The following KCNG2 variants were observed in gnomAD, a reference collection of about 807,000 sequenced individuals.
KCNG2 encodes the protein potassium voltage-gated channel modifier subfamily G member 2.
Under a neutral mutation model 12.3 loss-of-function variants are expected in KCNG2, and 7 were observed. The observed-to-expected ratio is 0.57, with a 90% CI of 0.32 to 1.07. KCNG2 has a LOEUF of 1.07. Among genes scored for constraint, KCNG2 ranks in the 50% least tolerant of loss-of-function variants. The pLI is 0.04. For missense variants in KCNG2, 703 were observed against 726.0 expected, an observed-to-expected ratio of 0.97 and a Z score of 0.36; for synonymous variants, 414 against 351.4, an observed-to-expected ratio of 1.18 and a Z score of -1.99.
chr18:79,827,643 G>A (rs1043605104), intron 1 of KCNG2, among the ~76,000 whole-genome samples: 5 of 152,096 alleles, frequency 3.3e-5, no homozygotes, highest in Admixed American at 6.5e-5. Context: ...GAGAAGAGCG[G>A]GGACTCAGCC....
intron 3 of KCNG2, among the ~76,000 whole-genome samples, chr18:79,896,891 T>C (rs1980995497): frequency 1.3e-5 from 2 of 152,244 alleles, no homozygotes; most frequent in South Asian, 4.1e-4. Flanking sequence ...CTTTGAGCAC[T>C]TTGGATGTGC....
rs927289731 is a variant in KCNG2 at position 79,832,659 on chromosome 18, C to T, written c.-114-23720C>T. Among the ~76,000 whole-genome samples, 9 of 152,258 alleles carry T rather than the reference C, an allele frequency of 5.9e-5. No homozygotes were observed. The East Asian group carries it at 1.2e-3, about 20-fold the overall frequency. On this transcript the variant is annotated intron_variant, in intron 1 of 3. Transcript: ENST00000316249. ...TGGGAGAGCCGTGCAGATCATTCGCCCTGATTTCCAGAGGAGACCTGGGAC... is the reference window on the plus strand; with the variant it reads ...TGGGAGAGCCGTGCAGATCATTCGCTCTGATTTCCAGAGGAGACCTGGGAC...
At position 79,884,295 on chromosome 18, in the gene KCNG2, T is replaced by C. The variant is rs912629810; in HGVS notation, c.625-14745T>C. On this transcript the variant is annotated intron_variant, in intron 3 of 3. Coordinates refer to ENST00000316249, the MANE Select transcript of KCNG2 (RefSeq NM_012283.2). This position sits in a 1 kb window ranked among gnomAD's most constrained non-coding sequence, Gnocchi z 5.5. ...CCCCACACCTGCACCCCCAAGAGAA[T>C]TCGCCCCATCTAGGTCCCACCTAAT... Among the ~76,000 whole-genome samples, 2 of 145,554 alleles carry C rather than the reference T, an allele frequency of 1.4e-5. No individual in the cohort carries two copies. Among genetic ancestry groups the C allele is most frequent in the Non-Finnish European group, 1.5e-5 (1 of 66,682 alleles).
chr18:79,854,749 G>A (rs988128072), intron 1 of KCNG2, among the ~76,000 whole-genome samples: 8 of 152,128 alleles, frequency 5.3e-5, no homozygotes, highest in African/African-American at 1.9e-4. Context: ...TCCTGACCAC[G>A]TGATCCGCCC....
intron 3 of KCNG2, among the ~76,000 whole-genome samples, chr18:79,896,068 C>A (rs1341673321): frequency 1.3e-5 from 2 of 152,168 alleles, no homozygotes; most frequent in South Asian, 2.1e-4. Flanking sequence ...TGGGTTCAAG[C>A]AATTCTCCTG....
chr18:79,875,260 G>T (rs1980021155), intron 3 of KCNG2, among the ~76,000 whole-genome samples: 1 of 152,154 alleles, frequency 6.6e-6, no homozygotes, highest in South Asian at 2.1e-4. Flanking sequence ...CCCATCATGG[G>T]AAGAAAGAGC....
intron 3 of KCNG2, among the ~76,000 whole-genome samples, chr18:79,864,876 G>A (rs1979400557): frequency 6.6e-6 from 1 of 151,664 alleles, no homozygotes; most frequent in African/African-American, 2.4e-5. Context: ...TGGGTGCTGA[G>A]GTCTGTGTGC....
intron 3 of KCNG2, among the ~76,000 whole-genome samples, chr18:79,893,610 G>A (rs1980829400): frequency 1.3e-5 from 2 of 151,616 alleles, no homozygotes; most frequent in South Asian, 4.2e-4. Context: ...TGATATAGCT[G>A]GATATGTGTC....
intron 2 of KCNG2, among the ~76,000 whole-genome samples, chr18:79,861,067 T>G (rs1979198689): frequency 6.6e-6 from 1 of 152,216 alleles, no homozygotes; most frequent in South Asian, 2.1e-4. Flanking sequence ...CTGCCTCTAT[T>G]GAAATTATCG....
In KCNG2 at chr18:79,863,838, C is replaced by T. The variant is rs944953611; in HGVS notation, c.171C>T (p.Arg57=). 6 of 1,447,732 alleles carry T rather than the reference C, an allele frequency of 4.1e-6. No homozygotes were observed. The highest frequency in any genetic ancestry group is 4.6e-6 in the Non-Finnish European group (5 of 1,096,274). The allele number at this position is 1,447,732 out of a possible 1,614,324, so 89.7% of individuals were successfully genotyped here. ...RACRGHDDLL[R]VCDDYDVSRD... ...GCCGCGGCCACGACGACCTGCTGCG[C>T]GTGTGTGACGACTACGACGTGAGCC... The change falls in exon 3 of 4, where the codon CGC becomes CGT. Residue 57 remains arginine, a synonymous_variant. Transcript: ENST00000316249.
chr18:79,831,623 G>A (rs1440243277), intron 1 of KCNG2, among the ~76,000 whole-genome samples: 3 of 104,610 alleles, frequency 2.9e-5, no homozygotes, highest in African/African-American at 1.1e-4. Context: ...CGTGCCCTGC[G>A]TACAGAGCCT....
chr18:79,821,064 A>G (rs573896515), intron 1 of KCNG2, among the ~76,000 whole-genome samples: 1 of 152,260 alleles, frequency 6.6e-6, no homozygotes, highest in Non-Finnish European at 1.5e-5. Flanking sequence ...ATTTTCCCCC[A>G]GTCTGTGGGC....
intron 1 of KCNG2, among the ~76,000 whole-genome samples, chr18:79,798,292 G>C (rs2087379603): frequency 6.6e-6 from 1 of 151,968 alleles, no homozygotes; most frequent in African/African-American, 2.4e-5. Context: ...GGGGGGCGTC[G>C]GGCCGGAGGC....
At chr18:79,807,825 T>C (rs1238656517) in intron 1 of KCNG2, among the ~76,000 whole-genome samples, 463 of 93,890 alleles carry the variant, frequency 4.9e-3, no homozygotes, top group Middle Eastern at 9.3e-3. Context: ...GAGTCCGCGC[T>C]CTGAGGAGCT....
rs74456183 is a variant in KCNG2, at chr18:79,880,757, A to G, written c.624+16466A>G. On this transcript the variant is annotated intron_variant, in intron 3 of 3. Coordinates refer to ENST00000316249, the MANE Select transcript of KCNG2 (RefSeq NM_012283.2). ...TAAAAAGCACAGCACATCACGGCCA[A>G]CTGAGGTTTTTCTCAGGAAAGCAAG... is the stretch of plus-strand genomic sequence containing the variant. Among the ~76,000 whole-genome samples, 621 of 152,350 alleles carry G rather than the reference A, an allele frequency of 4.1e-3. 37 individuals carry two copies. The East Asian group carries it at 0.099, about 24-fold the overall frequency.
chr18:79,823,924 T>C (rs1488301360), intron 1 of KCNG2, among the ~76,000 whole-genome samples: 1 of 152,250 alleles, frequency 6.6e-6, no homozygotes, highest in Non-Finnish European at 1.5e-5. Context: ...AAATTTGTTC[T>C]TGTAAAAACA....
chr18:79,893,311 C>A (rs1980815519), intron 3 of KCNG2, among the ~76,000 whole-genome samples: 1 of 151,868 alleles, frequency 6.6e-6, no homozygotes, highest in Non-Finnish European at 1.5e-5. Context: ...TCTGTGTCTG[C>A]TTTTGACTGG....
chr18:79,882,776 C>CGCCTGCGCGTGG (rs1568269714), intron 3 of KCNG2, among the ~76,000 whole-genome samples: 1,961 of 145,840 alleles, frequency 0.013, 216 homozygotes, highest in Non-Finnish European at 0.019. Context: ...AGGCCGGGTA[C>CGCCTGCGCGTGG]ACCTGCGCGT....
At chr18:79,869,076 C>T (rs764306087) in intron 3 of KCNG2, among the ~76,000 whole-genome samples, 9 of 152,098 alleles carry the variant, frequency 5.9e-5, no homozygotes, top group Non-Finnish European at 1.0e-4. Flanking sequence ...ATGCAGGAGC[C>T]GTGAGCACCC....
Sources: allele counts gnomAD v4.1 joint callset (sites outside exome capture counted in the v4.1 genomes callset), GRCh38; gene constraint gnomAD v4.1.1; non-coding constraint Gnocchi (gnomAD v3.1); transcripts MANE v1.5; gene names NCBI Gene and HGNC (gene_info 2026-07-23, HGNC 2026-07-21).